SLC35F3: variants seen among roughly 807,000 people sequenced by gnomAD.
SLC35F3 encodes the protein putative thiamine transporter SLC35F3.
In SLC35F3, 25 loss-of-function variants were observed where a neutral mutation model predicts 49.9. The observed-to-expected ratio is 0.50, with a 90% CI of 0.37 to 0.70. SLC35F3 has a LOEUF of 0.70. Ranked by LOEUF, SLC35F3 falls within the 30% of genes least tolerant of loss-of-function variation. SLC35F3 has a pLI of 0.00. For missense variants in SLC35F3, 525 were observed against 639.8 expected, an observed-to-expected ratio of 0.82 and a Z score of 1.94; for synonymous variants, 275 against 265.4, an observed-to-expected ratio of 1.04 and a Z score of -0.35.
chr1:234,124,427 C>A (rs61822412), intron 2 of SLC35F3, among the ~76,000 whole-genome samples: 1 of 152,204 alleles, frequency 6.6e-6, no homozygotes, highest in African/African-American at 2.4e-5. Flanking sequence ...TGACTTTCTT[C>A]TTCCTCTTCC....
intron 2 of SLC35F3, 64 bp downstream of exon 2, chr1:233,905,822 C>G: frequency 6.9e-7 from 1 of 1,452,006 alleles, no homozygotes; most frequent in Non-Finnish European, 9.5e-7. Context: ...GTCACAGCAG[C>G]CTCGGGGAGC....
chr1:234,044,921 C>T (rs970172765), intron 2 of SLC35F3, among the ~76,000 whole-genome samples: 3 of 152,116 alleles, frequency 2.0e-5, no homozygotes, highest in African/African-American at 4.8e-5. Flanking sequence ...GGAGGCCAAC[C>T]GGTTGAGTTC....
intron 2 of SLC35F3, among the ~76,000 whole-genome samples, chr1:234,139,476 T>G (rs10910363): frequency 6.6e-6 from 1 of 151,952 alleles, no homozygotes; most frequent in Non-Finnish European, 1.5e-5. Flanking sequence ...CAATAGTCTA[T>G]GAAAATGTAA....
intron 2 of SLC35F3, among the ~76,000 whole-genome samples, chr1:233,936,498 C>T (rs953494392): frequency 6.6e-6 from 1 of 151,612 alleles, no homozygotes; most frequent in East Asian, 1.9e-4. Context: ...CTATCCAGTG[C>T]CTCTTTCACC....
intron 2 of SLC35F3, among the ~76,000 whole-genome samples, chr1:234,144,465 A>G (rs1463784574): frequency 6.6e-6 from 1 of 151,874 alleles, no homozygotes; most frequent in Non-Finnish European, 1.5e-5. Context: ...TATTATTTCT[A>G]CCTCTCACTG....
intron 2 of SLC35F3, among the ~76,000 whole-genome samples, chr1:233,967,622 C>T (rs1352940511): frequency 6.6e-6 from 1 of 152,064 alleles, no homozygotes; most frequent in Non-Finnish European, 1.5e-5. Flanking sequence ...CAATGTGGAA[C>T]CCAGTAAGAA....
intron 3 of SLC35F3, chr1:234,285,113 T>C (rs79580613): frequency 2.0e-3 from 568 of 277,398 alleles, no homozygotes; most frequent in Non-Finnish European, 2.8e-3. Flanking sequence ...CTCAGTCTCC[T>C]TGGCAAACAA....
intron 2 of SLC35F3, among the ~76,000 whole-genome samples, chr1:234,139,236 A>G (rs1665853128): frequency 6.6e-6 from 1 of 152,210 alleles, no homozygotes; most frequent in Non-Finnish European, 1.5e-5. Flanking sequence ...TTACTTTATT[A>G]TTAGATGTAG....
chr1:233,973,426 A>G (rs1465146064), intron 2 of SLC35F3, among the ~76,000 whole-genome samples: 2 of 152,232 alleles, frequency 1.3e-5, no homozygotes, highest in East Asian at 1.9e-4. Flanking sequence ...GGGATCGAGT[A>G]TGATATTGCA....
chr1:234,293,469 G>A (rs1001087884), intron 3 of SLC35F3, among the ~76,000 whole-genome samples: 1 of 152,228 alleles, frequency 6.6e-6, no homozygotes, highest in African/African-American at 2.4e-5. Context: ...CTTCAAGGGT[G>A]AACTATGCAT....
intron 2 of SLC35F3, among the ~76,000 whole-genome samples, chr1:233,990,136 T>C (rs898554485): frequency 2.0e-4 from 30 of 152,302 alleles, no homozygotes; most frequent in Non-Finnish European, 3.8e-4. Context: ...ATTTAAATAT[T>C]ATTTTATTTC....
At chr1:233,994,311 A>G (rs886184119) in intron 2 of SLC35F3, among the ~76,000 whole-genome samples, 7 of 152,214 alleles carry the variant, frequency 4.6e-5, no homozygotes, top group African/African-American at 1.7e-4. Flanking sequence ...CCCATTTTAC[A>G]GATGAGGAAA....
chr1:234,244,917 A>C (rs1667609051), intron 3 of SLC35F3, among the ~76,000 whole-genome samples: 1 of 152,212 alleles, frequency 6.6e-6, no homozygotes, highest in African/African-American at 2.4e-5. Flanking sequence ...TGATCAAGTC[A>C]CTATTGGGGG....
Position 234,032,285 on chromosome 1 carries a change from T to C in SLC35F3, c.283+126527T>C, listed in dbSNP as rs181000336. Among the ~76,000 whole-genome samples, 57 of 152,318 alleles carry C rather than the reference T, an allele frequency of 3.7e-4. No individual in the cohort carries two copies. The East Asian group carries it at 0.01, about 27-fold the overall frequency. On this transcript the variant is annotated intron_variant, in intron 2 of 7. Coordinates refer to ENST00000366618, the MANE Select transcript of SLC35F3 (RefSeq NM_173508.4). ...ATATTATTATAAGTCAAATTCACCA[T>C]TGAACTTGTGGTAAATTATTATTGC...
chr1:234,195,985 C>T (rs1442682709), intron 2 of SLC35F3, among the ~76,000 whole-genome samples: 2 of 152,074 alleles, frequency 1.3e-5, no homozygotes, highest in Non-Finnish European at 2.9e-5. Context: ...GTCCATTAAA[C>T]CTCTTTTTCT....
chr1:234,173,777 A>G (rs528066029), intron 2 of SLC35F3, among the ~76,000 whole-genome samples: 1 of 152,224 alleles, frequency 6.6e-6, no homozygotes, highest in South Asian at 2.1e-4. Flanking sequence ...AGCTACCCCA[A>G]GGCCATTTGG....
At chr1:234,043,209 T>C (rs1296049588) in intron 2 of SLC35F3, among the ~76,000 whole-genome samples, 1 of 152,202 alleles carries the variant, frequency 6.6e-6, no homozygotes, top group Non-Finnish European at 1.5e-5. Flanking sequence ...GATGTTCATC[T>C]TTCCTAGGTA....
chr1:234,044,232 C>T (rs1318134508), intron 2 of SLC35F3, among the ~76,000 whole-genome samples: 1 of 152,162 alleles, frequency 6.6e-6, no homozygotes, highest in African/African-American at 2.4e-5. Context: ...GCAGGAAAGC[C>T]CTTTCCAAAA....
At chr1:234,240,532 G>C (rs894426993) in intron 3 of SLC35F3, among the ~76,000 whole-genome samples, 13 of 152,158 alleles carry the variant, frequency 8.5e-5, no homozygotes, top group African/African-American at 2.9e-4. Context: ...TTGAATCCAG[G>C]AGGCAGAGGT....
Sources: gnomAD v4.1 joint callset for allele counts (sites outside exome capture counted in the v4.1 genomes callset) on GRCh38, gnomAD v4.1.1 for gene constraint, MANE v1.5 for transcripts, NCBI Gene and HGNC (gene_info 2026-07-23, HGNC 2026-07-21) for gene names.